Variants in CCDC148 observed in about 807,000 individuals in gnomAD.
The protein encoded by CCDC148 is coiled-coil domain containing 148, also known as coiled-coil domain-containing protein 148.
A neutral mutation model predicts 85.7 loss-of-function variants in CCDC148; 89 were observed. The observed-to-expected ratio is 1.04, with a 90% confidence interval of 0.87 to 1.24. CCDC148 has a LOEUF of 1.24. Among genes scored for constraint, CCDC148 ranks in the 50% most tolerant of loss-of-function variants. The probability of loss-of-function intolerance (pLI) is 0.00; values close to 1 mark genes in which losing one functional copy is unlikely to be tolerated. For missense variants in CCDC148, 692 were observed against 671.7 expected (o/e 1.03, Z -0.33); for synonymous variants, 230 against 213.9 (o/e 1.08, Z -0.66).
chr2:158,342,172 G>A (rs1046025604), intron 3 of CCDC148, among the ~76,000 whole-genome samples: 1 of 151,440 alleles, frequency 6.6e-6, no homozygotes, highest in African/African-American at 2.4e-5. Flanking sequence ...TGGGACTACA[G>A]GTGCGCGCCA....
intron 3 of CCDC148, among the ~76,000 whole-genome samples, chr2:158,343,394 C>G (rs945991511): frequency 6.6e-6 from 1 of 152,202 alleles, no homozygotes; most frequent in African/African-American, 2.4e-5. Flanking sequence ...AGATTCTCAT[C>G]TGTAAAACTG....
intron 9 of CCDC148, among the ~76,000 whole-genome samples, chr2:158,275,480 T>C (rs1323092631): frequency 1.3e-5 from 2 of 152,216 alleles, no homozygotes; most frequent in East Asian, 3.8e-4. Flanking sequence ...AGGTTTTTCC[T>C]TTCTCAAAAA....
chr2:158,354,292 G>T (rs944174364), intron 2 of CCDC148, among the ~76,000 whole-genome samples: 5 of 151,928 alleles, frequency 3.3e-5, no homozygotes, highest in African/African-American at 1.2e-4. Flanking sequence ...TCCAGGAGCT[G>T]GTTTTTTGAA....
intron 8 of CCDC148, among the ~76,000 whole-genome samples, chr2:158,310,524 C>T (rs931100995): frequency 6.6e-6 from 1 of 151,810 alleles, no homozygotes; most frequent in Non-Finnish European, 1.5e-5. Context: ...CCCCACCCCC[C>T]AGACGGGGCC....
chr2:158,340,468 C>G, intron 4 of CCDC148, 75 bp from the exon 5 acceptor site: 2 of 1,522,074 alleles, frequency 1.3e-6, no homozygotes, highest in South Asian at 1.2e-5. Flanking sequence ...CATTAGAGTA[C>G]AGATTTATTT....
chr2:158,352,832 T>C (rs1203885264), intron 2 of CCDC148, among the ~76,000 whole-genome samples: 1 of 151,988 alleles, frequency 6.6e-6, no homozygotes, highest in African/African-American at 2.4e-5. Context: ...GAGAGAAAGG[T>C]CGGGTTACTC....
intron 10 of CCDC148, among the ~76,000 whole-genome samples, chr2:158,246,923 A>T (rs1318819063): frequency 6.6e-6 from 1 of 152,190 alleles, no homozygotes; most frequent in Non-Finnish European, 1.5e-5. Flanking sequence ...CCTTCAACAG[A>T]GACACATGTA....
At chr2:158,433,278 A>ATATATAT (rs1193160417) in intron 1 of CCDC148, among the ~76,000 whole-genome samples, 1 of 127,686 alleles carries the variant, frequency 7.8e-6, no homozygotes, top group Non-Finnish European at 1.8e-5. Flanking sequence ...ATATATATAT[A>ATATATAT]AAACAAAAGC....
intron 1 of CCDC148, chr2:158,424,873 G>T (rs72944443): frequency 0.036 from 6,844 of 191,496 alleles, 170 homozygotes; most frequent in Non-Finnish European, 0.051. Context: ...AGAAGATTTT[G>T]TTTTCTCACA....
chr2:158,406,625 T>TTTTTTTTTTG (rs1334222744), intron 1 of CCDC148, among the ~76,000 whole-genome samples: 39 of 97,624 alleles, frequency 4.0e-4, no homozygotes, highest in Middle Eastern at 6.0e-3. Context: ...TTTTTTTTTT[T>TTTTTTTTTTG]TTTTTTTTTT....
intron 9 of CCDC148, among the ~76,000 whole-genome samples, chr2:158,292,341 G>T (rs1182518527): frequency 6.6e-6 from 1 of 152,186 alleles, no homozygotes; most frequent in East Asian, 1.9e-4. Flanking sequence ...TTCAGAGAAT[G>T]ATATGCTCCA....
chr2:158,329,958 G>C (rs1229199965), intron 7 of CCDC148, among the ~76,000 whole-genome samples: 1 of 152,158 alleles, frequency 6.6e-6, no homozygotes. Context: ...TGCAAACAGG[G>C]ACAATTTGAC....
rs533544563 is a variant in CCDC148 at position 158,271,655 on chromosome 2, T to G, written c.1111-20743A>C. ...GCTATAATTGTCTTATTATTATTCT[T>G]GTTCAGCTCTTACTGTGCCTGATTT... On this transcript the variant is annotated intron_variant, in intron 9 of 13. Coordinates refer to ENST00000283233, the MANE Select transcript of CCDC148 (RefSeq NM_138803.4). Among the ~76,000 whole-genome samples the G allele has an allele frequency of 1.8e-4, 28 of 152,346 alleles. No individual in the cohort carries two copies. The South Asian group carries it at 5.6e-3, about 30-fold the overall frequency.
chr2:158,353,780 T>C (rs1311036492), intron 2 of CCDC148, among the ~76,000 whole-genome samples: 1 of 152,158 alleles, frequency 6.6e-6, no homozygotes, highest in African/African-American at 2.4e-5. Flanking sequence ...ATACATTTTT[T>C]TCAGCACCAC....
At chr2:158,451,405 C>T (rs913877741) in intron 1 of CCDC148, among the ~76,000 whole-genome samples, 2 of 151,902 alleles carry the variant, frequency 1.3e-5, no homozygotes, top group Admixed American at 6.6e-5. Context: ...TCTGATTTTC[C>T]TCCTGAGAAA....
intron 1 of CCDC148, among the ~76,000 whole-genome samples, chr2:158,395,519 T>C (rs1372689604): frequency 3.9e-5 from 6 of 152,144 alleles, no homozygotes. Flanking sequence ...AATTTCAGCC[T>C]GAGTGATAAT....
chr2:158,242,960 C>T (rs1426999929), intron 10 of CCDC148, among the ~76,000 whole-genome samples: 3 of 151,912 alleles, frequency 2.0e-5, no homozygotes, highest in Non-Finnish European at 4.4e-5. Flanking sequence ...ACTTCCTCTC[C>T]CCAGGAGGGT....
chr2:158,184,887 A>T (rs764802175), intron 11 of CCDC148, among the ~76,000 whole-genome samples: 6 of 152,120 alleles, frequency 3.9e-5, no homozygotes, highest in Non-Finnish European at 7.4e-5. Flanking sequence ...GGAGCCCCCA[A>T]ATCTGCATTT....
At chr2:158,301,169 T>A (rs942022595) in intron 9 of CCDC148, among the ~76,000 whole-genome samples, 1 of 152,096 alleles carries the variant, frequency 6.6e-6, no homozygotes, top group Non-Finnish European at 1.5e-5. Context: ...TGAATTGAAT[T>A]TTAGATAGAG....
Sources: allele counts gnomAD v4.1 joint callset (sites outside exome capture counted in the v4.1 genomes callset), GRCh38; gene constraint gnomAD v4.1.1; transcripts MANE v1.5; gene names NCBI Gene and HGNC (gene_info 2026-07-23, HGNC 2026-07-21).